The following LIFR variants were observed in gnomAD, a reference collection of about 807,000 sequenced individuals.
LIFR encodes the protein leukemia inhibitory factor receptor.
In LIFR, 84 loss-of-function variants were observed where a neutral mutation model predicts 122.2. The observed-to-expected ratio is 0.69, with a 90% CI of 0.58 to 0.82. The LOEUF is 0.82. LIFR is among the 40% of genes least tolerant of loss of function. LIFR has a pLI of 0.00. For missense variants in LIFR, 1,294 were observed against 1,311.6 expected, an observed-to-expected ratio of 0.99 and a Z score of 0.21; for synonymous variants, 422 against 434.7, an observed-to-expected ratio of 0.97 and a Z score of 0.36.
intron 1 of LIFR, among the ~76,000 whole-genome samples, chr5:38,571,749 A>C (rs1046177468): frequency 1.9e-4 from 29 of 152,312 alleles, no homozygotes; most frequent in Non-Finnish European, 2.6e-4. Context: ...ATGAATTTGG[A>C]AACTTCTGGT....
In LIFR at chr5:38,477,434, C is replaced by A. The variant is rs1355090555; in HGVS notation, c.*4161G>T. On this transcript the variant is annotated 3_prime_UTR_variant, in exon 20 of 20. Coordinates refer to ENST00000453190, the MANE Select transcript of LIFR (RefSeq NM_001127671.2). ...AATAAAGACTTAAAATAAATGCTTT[C>A]AAGAAATAGTTTATCAAGAGAATGA... is the stretch of plus-strand genomic sequence containing the variant. 3 of 213,340 alleles carry A rather than the reference C, an allele frequency of 1.4e-5. No individual in the cohort carries two copies. The highest frequency in any genetic ancestry group is 2.8e-5 in the Non-Finnish European group (3 of 105,610). 13.2% of individuals were successfully genotyped at this position (213,340 alleles called of 1,614,324 possible).
At chr5:38,519,260 A>G (rs1005131136) in intron 5 of LIFR, among the ~76,000 whole-genome samples, 3 of 152,336 alleles carry the variant, frequency 2.0e-5, no homozygotes, top group African/African-American at 7.2e-5. Flanking sequence ...TGACTCACCC[A>G]GAGAAACTTT....
chr5:38,478,680 T>C lies in LIFR; in HGVS notation c.*2915A>G. ...ATAATAAGCCCCATAATGATCTCCATTCCTCGCAAGGGAAGCTTGATTTGA... is the reference window on the plus strand; with the variant it reads ...ATAATAAGCCCCATAATGATCTCCACTCCTCGCAAGGGAAGCTTGATTTGA... On this transcript the variant is annotated 3_prime_UTR_variant, in exon 20 of 20. Coordinates refer to ENST00000453190, the MANE Select transcript of LIFR (RefSeq NM_001127671.2). 1 of 202,420 alleles carries C rather than the reference T, an allele frequency of 4.9e-6. No homozygotes were observed. The highest frequency in any genetic ancestry group is 6.0e-5 in the Admixed American group (1 of 16,714). 12.5% of individuals were successfully genotyped at this position (202,420 alleles called of 1,614,324 possible). A position where few individuals can be genotyped will look rare whatever the true frequency, so the allele number is the denominator to read the frequency against.
In LIFR at chr5:38,499,662, G is replaced by A. The variant is rs3729737; in HGVS notation, c.1601-79C>T. On this transcript the variant is annotated intron_variant, in intron 11 of 19. Coordinates refer to ENST00000453190, the MANE Select transcript of LIFR (RefSeq NM_001127671.2). Reference sequence around the variant, plus strand: ...GTGCTTGGCATTTTTTTTCTAGGATGTTTGGAATTCTCAATAAAACGTGAA... The same window carrying A: ...GTGCTTGGCATTTTTTTTCTAGGATATTTGGAATTCTCAATAAAACGTGAA... 16,142 of 972,076 alleles carry A rather than the reference G, an allele frequency of 0.017. 1,522 individuals are homozygous for A. The East Asian group carries it at 0.26, about 15-fold the overall frequency. The allele number at this position is 972,076 out of a possible 1,614,324, so 60.2% of individuals were successfully genotyped here. A position where few individuals can be genotyped will look rare whatever the true frequency, so the allele number is the denominator to read the frequency against.
intron 12 of LIFR, among the ~76,000 whole-genome samples, chr5:38,497,807 A>G (rs1050917881): frequency 2.6e-5 from 4 of 152,204 alleles, no homozygotes; most frequent in African/African-American, 9.6e-5. Flanking sequence ...ACAGTTATAT[A>G]CATTTTCATG....
intron 1 of LIFR, among the ~76,000 whole-genome samples, chr5:38,547,216 C>T (rs751049347): frequency 2.6e-5 from 4 of 152,154 alleles, no homozygotes; most frequent in South Asian, 2.1e-4. Flanking sequence ...TCCAGTGTGA[C>T]GAGATAGATA....
chr5:38,485,688 C>G, intron 17 of LIFR, 131 bp downstream of exon 17: 1 of 979,374 alleles, frequency 1.0e-6, no homozygotes, highest in Non-Finnish European at 1.6e-6. Flanking sequence ...CTTCCCTCTA[C>G]CAGCCAAAAA....
rs1743898523 is a variant in LIFR at position 38,479,895 on chromosome 5, G to C, written c.*1700C>G. The C allele has an allele frequency of 4.4e-6, 1 of 225,036 alleles. No individual in the cohort carries two copies. The highest frequency in any genetic ancestry group is 1.8e-4 in the South Asian group (1 of 5,430). The allele number at this position is 225,036 out of a possible 1,614,324, so 13.9% of individuals were successfully genotyped here. A position where few individuals can be genotyped will look rare whatever the true frequency, so the allele number is the denominator to read the frequency against. On this transcript the variant is annotated 3_prime_UTR_variant, in exon 20 of 20. Coordinates refer to ENST00000453190, the MANE Select transcript of LIFR (RefSeq NM_001127671.2). The stretch of plus-strand genomic sequence containing the variant: ...ATACTATGTATGTACAAAATGAATT[G>C]CATTTCATTCCAAATTTCCACAGAT...
In LIFR at chr5:38,478,840, G is replaced by A; in HGVS notation, c.*2755C>T. ...TCTAACCAATGACTGGGCTTTCACT[G>A]AGGAAAAGAGGGATTTCTCAATTAT... On this transcript the variant is annotated 3_prime_UTR_variant, in exon 20 of 20. Transcript: ENST00000453190. 4.5e-6 allele frequency: 1 copy of A among 223,786 alleles called. No individual in the cohort carries two copies. The highest frequency in any genetic ancestry group is 8.9e-6 in the Non-Finnish European group (1 of 111,838). 13.9% of individuals were successfully genotyped at this position (223,786 alleles called of 1,614,324 possible). A position where few individuals can be genotyped will look rare whatever the true frequency, so the allele number is the denominator to read the frequency against.
chr5:38,484,781 C>T lies in LIFR; in HGVS notation c.2585G>A (p.Arg862Gln), dbSNP rs1280656920. 7.5e-6 allele frequency: 12 copies of T among 1,606,660 alleles called. No individual in the cohort carries two copies. Among genetic ancestry groups the T allele is most frequent in the Admixed American group, 1.7e-5 (1 of 59,988 alleles). The change falls in exon 18 of 20, where the codon CGA becomes CAA. Residue 862 changes from arginine (R) to glutamine (Q), a missense_variant. Arg to Gln is a conservative substitution (Grantham distance 43). Coordinates refer to ENST00000453190, the MANE Select transcript of LIFR (RefSeq NM_001127671.2). ...GTAAATGCAGAACTATTACCATTCT[C>T]GTTTCCGATAGCAAAGGATACTTGT... Reference protein sequence around the residue: ...VVTSILCYRKREWIKETFYPD... With the variant: ...VVTSILCYRKQEWIKETFYPD...
rs1302093251 is a variant in LIFR, at chr5:38,530,561, C to A, written c.87G>T (p.Leu29=). Residue 29 remains leucine (L), a synonymous_variant, in exon 2 of 20, where the codon CTG becomes CTT. Transcript: ENST00000453190. ...RMRTASNFQW[L]LSTFILLYLM... ...GATATAGAAGAATAAATGTTGATAA[C>A]AGCCACTGGAAATTTGAAGCAGTCC... The A allele has an allele frequency of 1.9e-6, 3 of 1,612,986 alleles. No homozygotes were observed. Among genetic ancestry groups the A allele is most frequent in the Non-Finnish European group, 2.5e-6 (3 of 1,179,006 alleles).
intron 1 of LIFR, among the ~76,000 whole-genome samples, chr5:38,584,527 T>G (rs1308099595): frequency 6.6e-6 from 1 of 152,044 alleles, no homozygotes; most frequent in East Asian, 1.9e-4. Flanking sequence ...GGAATATTAT[T>G]TAGCCTTAAA....
In LIFR at chr5:38,581,856, G is replaced by T. The variant is rs375184025; in HGVS notation, c.-20+13405C>A. Among the ~76,000 whole-genome samples the T allele has an allele frequency of 5.9e-5, 9 of 152,166 alleles. No individual in the cohort carries two copies. In the South Asian group the frequency reaches 1.9e-3, roughly 32 times the overall value. On this transcript the variant is annotated intron_variant, in intron 1 of 19. Transcript: ENST00000263409. ...TAATTGGAAACAATAATGTGATCTC[G>T]CACAGTATCCTATATTTGAAATGCC... is the stretch of plus-strand genomic sequence containing the variant.
chr5:38,528,867 C>A (rs1746845717), intron 2 of LIFR, 27 bp from the exon 3 acceptor site: 1 of 1,106,740 alleles, frequency 9.0e-7, no homozygotes, highest in Non-Finnish European at 1.3e-6. Context: ...CACACACACA[C>A]ACACACACAC....
chr5:38,547,309 T>C lies in LIFR; in HGVS notation c.-20+9025A>G, dbSNP rs373637262. Among the ~76,000 whole-genome samples, 17 of 152,334 alleles carry C rather than the reference T, an allele frequency of 1.1e-4. No homozygotes were observed. In the East Asian group the frequency reaches 3.3e-3, roughly 29 times the overall value. On this transcript the variant is annotated intron_variant, in intron 1 of 19. Coordinates refer to ENST00000453190, the MANE Select transcript of LIFR (RefSeq NM_001127671.2). ...GTGTCCAAAAATGATTCTTGATTCA[T>C]AACTCTCCTAAATTTGTTCTTCCCC... is the stretch of plus-strand genomic sequence containing the variant.
At chr5:38,548,225 T>C (rs1193503443) in intron 1 of LIFR, among the ~76,000 whole-genome samples, 1 of 152,188 alleles carries the variant, frequency 6.6e-6, no homozygotes, top group African/African-American at 2.4e-5. Flanking sequence ...AGATATATAG[T>C]AGCAATTTTA....
intron 1 of LIFR, among the ~76,000 whole-genome samples, chr5:38,565,815 T>A (rs1486921913): frequency 6.6e-6 from 1 of 152,084 alleles, no homozygotes; most frequent in Admixed American, 6.6e-5. Context: ...ACTCCAGACC[T>A]CAGGTGATCC....
chr5:38,537,956 T>C (rs558309996), intron 1 of LIFR, among the ~76,000 whole-genome samples: 2 of 152,322 alleles, frequency 1.3e-5, no homozygotes, highest in Non-Finnish European at 2.9e-5. Context: ...TTTCTCTATT[T>C]TGTCCTTTGT....
intron 12 of LIFR, among the ~76,000 whole-genome samples, chr5:38,498,186 T>C (rs923083918): frequency 8.5e-5 from 13 of 152,222 alleles, no homozygotes; most frequent in Non-Finnish European, 1.9e-4. Context: ...GGGCAGGCTT[T>C]AGTCCTAAGA....
Sources: gnomAD v4.1 joint callset for allele counts (sites outside exome capture counted in the v4.1 genomes callset) on GRCh38, gnomAD v4.1.1 for gene constraint, MANE v1.5 for transcripts, NCBI Gene and HGNC (gene_info 2026-07-23, HGNC 2026-07-21) for gene names.